The following ZNF475 variants were observed in gnomAD, a reference collection of about 807,000 sequenced individuals.
ZNF475 encodes zinc finger protein 475.
At chr5:122,171,807 C>T in the ZNF475 span, among the ~76,000 whole-genome samples, 1 of 151,918 alleles carries the variant, frequency 6.6e-6, no homozygotes, top group African/African-American at 2.4e-5. Context: ...GGCACGATCA[C>T]AGCTCGCTGC....
the ZNF475 span, among the ~76,000 whole-genome samples, chr5:122,170,341 G>T: frequency 6.6e-6 from 1 of 152,126 alleles, no homozygotes; most frequent in Admixed American, 6.5e-5. Context: ...CTACTGGGAC[G>T]CCAGGTTACT....
chr5:122,161,980 TAA>T, the ZNF475 span, among the ~76,000 whole-genome samples: 1 of 141,646 alleles, frequency 7.1e-6, no homozygotes. Context: ...ATGTGAAAAT[TAA>T]AAAAAAAAAA....
At chr5:122,160,794 T>TC in the ZNF475 span, among the ~76,000 whole-genome samples, 1 of 152,174 alleles carries the variant, frequency 6.6e-6, no homozygotes, top group Non-Finnish European at 1.5e-5. Context: ...AAAGCCTTTT[T>TC]CCCCCATCAC....
the ZNF475 span, among the ~76,000 whole-genome samples, chr5:122,161,788 T>C: frequency 1.1e-4 from 16 of 152,346 alleles, 1 homozygote; most frequent in Admixed American, 5.2e-4. Flanking sequence ...AAGTCAGGCC[T>C]GTATCCAAAC....
chr5:122,177,082 A>C, the ZNF475 span, among the ~76,000 whole-genome samples: 1 of 152,174 alleles, frequency 6.6e-6, no homozygotes, highest in African/African-American at 2.4e-5. Context: ...GGAAGAGAAC[A>C]AAGCCTAGAT....
the ZNF475 span, among the ~76,000 whole-genome samples, chr5:122,181,994 A>T: frequency 6.6e-6 from 1 of 152,228 alleles, no homozygotes; most frequent in East Asian, 1.9e-4. Context: ...AATTCATCTT[A>T]AATTCACTCT....
the ZNF475 span, among the ~76,000 whole-genome samples, chr5:122,177,256 A>G: frequency 2.6e-5 from 4 of 152,214 alleles, no homozygotes; most frequent in African/African-American, 7.2e-5. Context: ...AAAAAGGCAA[A>G]GAATCACAAG....
At chr5:122,166,699 T>C in the ZNF475 span, among the ~76,000 whole-genome samples, 14 of 152,392 alleles carry the variant, frequency 9.2e-5, no homozygotes, top group East Asian at 2.7e-3. Context: ...CAGTATTCCA[T>C]GGTGTACATG....
the ZNF475 span, among the ~76,000 whole-genome samples, chr5:122,178,995 C>T: frequency 3.3e-5 from 5 of 152,120 alleles, no homozygotes; most frequent in East Asian, 9.6e-4. Context: ...AATAGGGAAT[C>T]CTTTCCCCAT....
the ZNF475 span, among the ~76,000 whole-genome samples, chr5:122,173,271 G>A: frequency 1.2e-4 from 18 of 152,290 alleles, no homozygotes; most frequent in African/African-American, 4.1e-4. Flanking sequence ...TGTGCTATCA[G>A]AGAGGTCATC....
chr5:122,169,437 G>A, the ZNF475 span, among the ~76,000 whole-genome samples: 1 of 152,132 alleles, frequency 6.6e-6, no homozygotes, highest in African/African-American at 2.4e-5. Flanking sequence ...CTCCAGCTTG[G>A]TGCTGGAGGA....
chr5:122,162,712 C>A, the ZNF475 span, among the ~76,000 whole-genome samples: 3 of 152,156 alleles, frequency 2.0e-5, no homozygotes, highest in Non-Finnish European at 4.4e-5. Context: ...TGCACCCCCA[C>A]CCCTTGGTAT....
chr5:122,174,637 G>A, the ZNF475 span, among the ~76,000 whole-genome samples: 4 of 152,158 alleles, frequency 2.6e-5, no homozygotes, highest in South Asian at 8.3e-4. Context: ...TGTTCAGTAT[G>A]TGTCTTCTGA....
the ZNF475 span, chr5:122,162,968 G>GTT: frequency 6.6e-6 from 1 of 152,204 alleles, no homozygotes; most frequent in East Asian, 1.9e-4. Flanking sequence ...TATCTCCCAT[G>GTT]TTTCTAGAAG....
chr5:122,179,553 A>G, the ZNF475 span: 7,734 of 1,489,654 alleles, frequency 5.2e-3, 20 homozygotes, highest in Non-Finnish European at 6.2e-3. Context: ...CTTGCAGCCA[A>G]CAATGATACG....
the ZNF475 span, among the ~76,000 whole-genome samples, chr5:122,170,544 G>A: frequency 6.6e-6 from 1 of 152,194 alleles, no homozygotes; most frequent in South Asian, 2.1e-4. Context: ...GTTAGGGGTG[G>A]TGTGGAGCTT....
At chr5:122,179,900 A>T in the ZNF475 span, 2 of 494,690 alleles carry the variant, frequency 4.0e-6, no homozygotes, top group Non-Finnish European at 7.0e-6. Flanking sequence ...TGTCCAAAGA[A>T]TTATCTTCTG....
At chr5:122,163,803 C>A in the ZNF475 span, among the ~76,000 whole-genome samples, 1 of 152,196 alleles carries the variant, frequency 6.6e-6, no homozygotes, top group Non-Finnish European at 1.5e-5. Context: ...GTGTGCACAG[C>A]GTCTTGGAAA....
At chr5:122,166,570 C>T in the ZNF475 span, among the ~76,000 whole-genome samples, 1 of 152,130 alleles carries the variant, frequency 6.6e-6, no homozygotes, top group Admixed American at 6.5e-5. Flanking sequence ...TCAATTCCCA[C>T]CTATGAGTGA....
Sources: allele counts gnomAD v4.1 joint callset (sites outside exome capture counted in the v4.1 genomes callset), GRCh38; gene constraint gnomAD v4.1.1; transcripts MANE v1.5; gene names NCBI Gene and HGNC (gene_info 2026-07-23, HGNC 2026-07-21).